CACNB2: variants seen among roughly 807,000 people sequenced by gnomAD.
CACNB2 encodes the protein voltage-dependent L-type calcium channel subunit beta-2.
CACNB2 carries 42 observed loss-of-function variants against 73.3 expected under a neutral mutation model. That is an observed-to-expected ratio of 0.57 (90% CI 0.45 to 0.74). The LOEUF (loss-of-function observed/expected upper bound fraction) is 0.74, where lower values mean the gene tolerates loss of function less well. Among genes scored for constraint, CACNB2 ranks in the 30% least tolerant of loss-of-function variants. The pLI is 0.00. For missense variants in CACNB2, 940 were observed against 853.0 expected (o/e 1.10, Z -1.27); for synonymous variants, 348 against 310.3 (o/e 1.12, Z -1.28).
intron 2 of CACNB2, among the ~76,000 whole-genome samples, chr10:18,247,379 A>T (rs1414601372): frequency 6.6e-6 from 1 of 152,204 alleles, no homozygotes; most frequent in African/African-American, 2.4e-5. Context: ...GGACCATTCA[A>T]ACATATTTTT....
chr10:18,338,433 A>T (rs2041088115), intron 2 of CACNB2, among the ~76,000 whole-genome samples: 1 of 152,184 alleles, frequency 6.6e-6, no homozygotes, highest in South Asian at 2.1e-4. Flanking sequence ...GAGGGTGTGG[A>T]GAAAAGGGAA....
At chr10:18,284,770 C>G (rs564948021) in intron 2 of CACNB2, among the ~76,000 whole-genome samples, 1 of 152,150 alleles carries the variant, frequency 6.6e-6, no homozygotes, top group Non-Finnish European at 1.5e-5. Context: ...AGGCAGTATG[C>G]TTGGTCCTAG....
intron 2 of CACNB2, among the ~76,000 whole-genome samples, chr10:18,193,262 G>C (rs1277730): frequency 0.91 from 137,584 of 150,508 alleles, 63,120 homozygotes; most frequent in African/African-American, 0.98. Context: ...TTTTGAGAAA[G>C]TGTCAAGCTT....
intron 2 of CACNB2, among the ~76,000 whole-genome samples, chr10:18,314,540 G>C (rs1422623346): frequency 6.7e-6 from 1 of 150,090 alleles, no homozygotes; most frequent in Non-Finnish European, 1.5e-5. Flanking sequence ...AACATATTCA[G>C]ACAATTGAAA....
chr10:18,233,224 C>T (rs1221676368), intron 2 of CACNB2, among the ~76,000 whole-genome samples: 1 of 152,182 alleles, frequency 6.6e-6, no homozygotes, highest in Non-Finnish European at 1.5e-5. Context: ...TCACCTGTCT[C>T]AAGATTTACT....
intron 2 of CACNB2, among the ~76,000 whole-genome samples, chr10:18,307,280 A>G (rs2039769214): frequency 6.6e-6 from 1 of 152,114 alleles, no homozygotes; most frequent in Non-Finnish European, 1.5e-5. Flanking sequence ...TAGTCAACTT[A>G]GTGAAACCCT....
chr10:18,337,424 T>A lies in CACNB2; in HGVS notation c.214-64500T>A, dbSNP rs535839146. Among the ~76,000 whole-genome samples the A allele has an allele frequency of 5.3e-5, 8 of 152,330 alleles. 1 individual carries two copies. The South Asian group carries it at 1.7e-3, about 32-fold the overall frequency. On this transcript the variant is annotated intron_variant, in intron 2 of 13. Transcript: ENST00000324631. ...GCCTACTTTTTTCTTTTATTTACTC[T>A]TACCCATTGTAGCATTTGTTATGTA...
At position 18,539,662 on chromosome 10, in the gene CACNB2, G is replaced by GTGAT; in HGVS notation, c.1922_1925dup (p.Ser643AspfsTer7). 1 of 1,612,534 alleles carries GTGAT rather than the reference G, an allele frequency of 6.2e-7. No homozygotes were observed. Among genetic ancestry groups the GTGAT allele is most frequent in the Admixed American group, 1.7e-5 (1 of 59,796 alleles). On this transcript the variant is annotated frameshift_variant, in exon 14 of 14. Transcript: ENST00000324631. LOFTEE classifies it high-confidence loss of function. ...TCGCTACTGTGAAAAGGATGGAGAA[G>GTGAT]TGATATCAAAAAAACGGAATGAGGC...
Position 18,314,592 on chromosome 10 carries a change from G to A in CACNB2, c.214-87332G>A, listed in dbSNP as rs189326931. On this transcript the variant is annotated intron_variant, in intron 2 of 13. Coordinates refer to ENST00000324631, the MANE Select transcript of CACNB2 (RefSeq NM_201596.3). ...CCCACATTTGTGAGAAAAAAAAAAC[G>A]TGAGCCACCATAAAGTAACTAAAAC... Among the ~76,000 whole-genome samples the A allele has an allele frequency of 2.1e-3, 310 of 151,120 alleles. 1 individual carries two copies. Among genetic ancestry groups the A allele is most frequent in the African/African-American group, 7.1e-3 (293 of 41,212 alleles).
intron 2 of CACNB2, among the ~76,000 whole-genome samples, chr10:18,186,586 G>C (rs2034164664): frequency 6.6e-6 from 1 of 152,118 alleles, no homozygotes; most frequent in Non-Finnish European, 1.5e-5. Flanking sequence ...GGCAAAGGGG[G>C]AGAAGGCATG....
intron 2 of CACNB2, among the ~76,000 whole-genome samples, chr10:18,354,591 T>C (rs1356066192): frequency 6.6e-6 from 1 of 152,146 alleles, no homozygotes; most frequent in Non-Finnish European, 1.5e-5. Flanking sequence ...TTGTGGTGTT[T>C]TTGTTGTTGT....
chr10:18,231,713 G>A (rs934638820), intron 2 of CACNB2, among the ~76,000 whole-genome samples: 3 of 152,090 alleles, frequency 2.0e-5, no homozygotes, highest in Admixed American at 1.3e-4. Flanking sequence ...GTGATTCAGG[G>A]GTAAAGCATG....
intron 2 of CACNB2, among the ~76,000 whole-genome samples, chr10:18,167,216 G>C (rs1173227347): frequency 6.6e-6 from 1 of 152,154 alleles, no homozygotes; most frequent in Non-Finnish European, 1.5e-5. Flanking sequence ...AACACTGCAT[G>C]TTCTCACTTA....
chr10:18,360,116 C>T (rs1051513074), intron 2 of CACNB2, among the ~76,000 whole-genome samples: 2 of 152,110 alleles, frequency 1.3e-5, no homozygotes, highest in African/African-American at 2.4e-5. Context: ...ATTGTAAGAA[C>T]AGGGGAATGA....
chr10:18,203,185 G>A lies in CACNB2; in HGVS notation c.213+52210G>A, dbSNP rs2034954986. 2.0e-5 allele frequency among the ~76,000 whole-genome samples: 3 copies of A among 152,244 alleles called. No homozygotes were observed. The Middle Eastern group carries it at 0.01, about 518-fold the overall frequency. On this transcript the variant is annotated intron_variant, in intron 2 of 13. Coordinates refer to ENST00000324631, the MANE Select transcript of CACNB2 (RefSeq NM_201596.3). The stretch of plus-strand genomic sequence containing the variant: ...AATTTTGTTCTTTCATCTGTATTCT[G>A]GTCAGCCAGCTTGAAGTAGACACAG...
chr10:18,497,227 A>AAAG (rs1406919761), intron 3 of CACNB2, among the ~76,000 whole-genome samples: 1 of 150,814 alleles, frequency 6.6e-6, no homozygotes, highest in Non-Finnish European at 1.5e-5. Context: ...AAAAAAAAGA[A>AAAG]AAGAAGAAAA....
chr10:18,468,935 T>C (rs965342177), intron 3 of CACNB2, among the ~76,000 whole-genome samples: 2 of 152,184 alleles, frequency 1.3e-5, no homozygotes, highest in African/African-American at 2.4e-5. Context: ...ATAAGTGATA[T>C]ACAGCCAGGT....
chr10:18,521,773 C>G (rs192307737), intron 9 of CACNB2, among the ~76,000 whole-genome samples: 13 of 152,264 alleles, frequency 8.5e-5, no homozygotes, highest in African/African-American at 2.6e-4. Context: ...TTACAGGGGA[C>G]CTGGAAGATA....
At chr10:18,401,796 G>A in intron 2 of CACNB2, 128 bp from the exon 3 acceptor site, 1 of 923,160 alleles carries the variant, frequency 1.1e-6, no homozygotes, top group Non-Finnish European at 1.7e-6. Flanking sequence ...GCTGCAAAAT[G>A]AATTATTTTC....
Sources: allele counts gnomAD v4.1 joint callset (sites outside exome capture counted in the v4.1 genomes callset), GRCh38; gene constraint gnomAD v4.1.1; transcripts MANE v1.5; gene names NCBI Gene and HGNC (gene_info 2026-07-23, HGNC 2026-07-21).